KIF21A: variants seen among roughly 807,000 people sequenced by gnomAD.
The protein encoded by KIF21A is kinesin-like protein KIF21A.
In KIF21A, 114 loss-of-function variants were observed where a neutral mutation model predicts 202.9. That is an observed-to-expected ratio of 0.56 (90% confidence interval 0.48 to 0.66). The LOEUF (loss-of-function observed/expected upper bound fraction) is 0.66. Among genes scored for constraint, KIF21A ranks in the 30% least tolerant of loss-of-function variants. The probability of loss-of-function intolerance (pLI) is 0.00; values close to 1 mark genes in which losing one functional copy is unlikely to be tolerated. For synonymous variants in KIF21A, 667 were observed against 670.8 expected, an observed-to-expected ratio of 0.99 and a Z score of 0.09; for missense variants, 1,677 against 1,994.9, an observed-to-expected ratio of 0.84 and a Z score of 3.04.
intron 31 of KIF21A, among the ~76,000 whole-genome samples, chr12:39,314,684 C>G (rs887075908): frequency 2.6e-5 from 4 of 151,752 alleles, no homozygotes; most frequent in Non-Finnish European, 5.9e-5. Flanking sequence ...AGATTACAAG[C>G]TTTATCCTAA....
At chr12:39,405,164 C>A (rs1039146329) in intron 1 of KIF21A, among the ~76,000 whole-genome samples, 2 of 151,970 alleles carry the variant, frequency 1.3e-5, no homozygotes, top group Non-Finnish European at 2.9e-5. Context: ...GCAGCCTGGC[C>A]AACATGGTGA....
In KIF21A at chr12:39,330,810, A is replaced by G; in HGVS notation, c.3255T>C (p.His1085=). The G allele has an allele frequency of 1.2e-6, 2 of 1,613,976 alleles. No individual in the cohort carries two copies. The highest frequency in any genetic ancestry group is 1.7e-6 in the Non-Finnish European group (2 of 1,179,856). ...TTAATTCTGCCTTCTCTTTCAACAT[A>G]TGGAATAAGAGCTGGTTTTGGGTAG... ...TSATQNQLLF[H]MLKEKAELNP... Residue 1085 remains histidine (H), a synonymous_variant, in exon 23 of 38, where the codon CAT becomes CAC. Transcript: ENST00000361418.
At chr12:39,383,750 A>G (rs1950766992) in intron 1 of KIF21A, among the ~76,000 whole-genome samples, 1 of 152,152 alleles carries the variant, frequency 6.6e-6, no homozygotes, top group Non-Finnish European at 1.5e-5. Flanking sequence ...AGTGAGCTAG[A>G]ATGGTGCCAC....
At chr12:39,409,337 T>C (rs987143308) in intron 1 of KIF21A, among the ~76,000 whole-genome samples, 8 of 149,990 alleles carry the variant, frequency 5.3e-5, no homozygotes, top group Non-Finnish European at 8.9e-5. Flanking sequence ...CTAGGCAATA[T>C]AGTGAGACCT....
At chr12:39,303,684 A>G (rs951637390) in intron 35 of KIF21A, among the ~76,000 whole-genome samples, 31 of 152,210 alleles carry the variant, frequency 2.0e-4, no homozygotes, top group African/African-American at 7.0e-4. Context: ...TAAAAATATT[A>G]CATATCAATC....
intron 17 of KIF21A, among the ~76,000 whole-genome samples, chr12:39,336,075 A>G (rs1004784797): frequency 1.3e-5 from 2 of 152,200 alleles, no homozygotes; most frequent in African/African-American, 4.8e-5. Context: ...TAATAAGGGA[A>G]AAAGTGATGG....
rs376621998 is a variant in KIF21A, at chr12:39,333,021, A to C, written c.2574T>G (p.Pro858=). 1.9e-6 allele frequency: 3 copies of C among 1,614,136 alleles called. No individual in the cohort carries two copies. The highest frequency in any genetic ancestry group is 2.5e-6 in the Non-Finnish European group (3 of 1,180,012). ...VTRKLSSSDA[P]AQDTGSSAAA... ...CTGCACTGGAACCTGTGTCCTGAGC[A>C]GGTGCATCAGATGAACTCAGCTTCC... is the stretch of plus-strand genomic sequence containing the variant. Residue 858 remains proline, a synonymous_variant, in exon 19 of 38, where the codon CCT becomes CCG. Coordinates refer to ENST00000361418, the MANE Select transcript of KIF21A (RefSeq NM_001173464.2).
intron 3 of KIF21A, among the ~76,000 whole-genome samples, chr12:39,369,415 G>GT (rs1412782951): frequency 6.6e-6 from 1 of 152,066 alleles, no homozygotes; most frequent in Non-Finnish European, 1.5e-5. Context: ...AGCCGAAATG[G>GT]TGCCATTACA....
intron 1 of KIF21A, among the ~76,000 whole-genome samples, chr12:39,372,544 T>C (rs1425047167): frequency 6.6e-6 from 1 of 152,222 alleles, no homozygotes. Context: ...TTAGATCTAA[T>C]ACTACTTAAC....
At chr12:39,340,741 T>C (rs1364704234) in intron 15 of KIF21A, among the ~76,000 whole-genome samples, 165 bp downstream of exon 15, 1 of 152,022 alleles carries the variant, frequency 6.6e-6, no homozygotes, top group Non-Finnish European at 1.5e-5. Flanking sequence ...AAGCTACATA[T>C]AACTTTTAAA....
At chr12:39,338,350 GTGATAT>G (rs1947157856) in intron 16 of KIF21A, among the ~76,000 whole-genome samples, 1 of 152,112 alleles carries the variant, frequency 6.6e-6, no homozygotes, top group African/African-American at 2.4e-5. Flanking sequence ...GTTTTAAACT[GTGATAT>G]TTCAAAAGAG....
In KIF21A at chr12:39,318,174, A is replaced by G; in HGVS notation, c.3807T>C (p.Ser1269=). 3.7e-6 allele frequency: 6 copies of G among 1,613,632 alleles called. No individual in the cohort carries two copies. Among genetic ancestry groups the G allele is most frequent in the Non-Finnish European group, 4.2e-6 (5 of 1,179,610 alleles). The change falls in exon 29 of 38, where the codon AGT becomes AGC. Residue 1269 remains serine (S), a synonymous_variant. Coordinates refer to ENST00000361418, the MANE Select transcript of KIF21A (RefSeq NM_001173464.2). Reference sequence around the variant, plus strand: ...TTGGTGGGGAAGAAGGAGGTGAAAGACTAGCCTCTGAAGTTCCAGAATCTG... The same window carrying G: ...TTGGTGGGGAAGAAGGAGGTGAAAGGCTAGCCTCTGAAGTTCCAGAATCTG... ...KHSDSGTSEA[S]LSPPSSPPSR...
At chr12:39,308,929 G>T (rs1382768861) in intron 33 of KIF21A, among the ~76,000 whole-genome samples, 1 of 152,034 alleles carries the variant, frequency 6.6e-6, no homozygotes, top group East Asian at 1.9e-4. Flanking sequence ...CCTTTCTTAT[G>T]CTCCCTTCTC....
intron 1 of KIF21A, among the ~76,000 whole-genome samples, chr12:39,379,196 G>C (rs2139383570): frequency 6.6e-6 from 1 of 152,144 alleles, no homozygotes. Flanking sequence ...CGGGCATAGT[G>C]GTGGGCGCCT....
chr12:39,365,032 G>T (rs1949502131), intron 6 of KIF21A, among the ~76,000 whole-genome samples: 1 of 152,054 alleles, frequency 6.6e-6, no homozygotes, highest in Admixed American at 6.5e-5. Flanking sequence ...CCTGCATTCT[G>T]ATGCACCAGC....
At chr12:39,314,860 T>C (rs575365427) in intron 31 of KIF21A, among the ~76,000 whole-genome samples, 1 of 151,924 alleles carries the variant, frequency 6.6e-6, no homozygotes, top group South Asian at 2.1e-4. Flanking sequence ...TATGTATTTT[T>C]ATGTCATTGA....
chr12:39,319,849 T>C, intron 28 of KIF21A, 57 bp downstream of exon 28: 1 of 997,090 alleles, frequency 1.0e-6, no homozygotes, highest in South Asian at 1.3e-5. Context: ...ATCTTTAGCA[T>C]CTAAGTGCAG....
intron 1 of KIF21A, among the ~76,000 whole-genome samples, chr12:39,412,913 T>C (rs2140080710): frequency 6.6e-6 from 1 of 152,304 alleles, no homozygotes; most frequent in African/African-American, 2.4e-5. Context: ...TTATACAGTT[T>C]ACCAGAGTAC....
At chr12:39,427,289 G>A (rs546256972) in intron 1 of KIF21A, among the ~76,000 whole-genome samples, 91 of 152,336 alleles carry the variant, frequency 6.0e-4, no homozygotes, top group African/African-American at 2.0e-3. Flanking sequence ...GAATACTTTA[G>A]TAACTTCTGC....
Sources: allele counts gnomAD v4.1 joint callset (sites outside exome capture counted in the v4.1 genomes callset), GRCh38; gene constraint gnomAD v4.1.1; transcripts MANE v1.5; gene names NCBI Gene and HGNC (gene_info 2026-07-23, HGNC 2026-07-21).